Variants in NAPB observed in about 807,000 individuals in gnomAD.
NAPB encodes beta-soluble NSF attachment protein.
NAPB carries 26 observed loss-of-function variants against 44.7 expected under a neutral mutation model. That is an observed-to-expected ratio of 0.58 (90% CI 0.43 to 0.81). The LOEUF (loss-of-function observed/expected upper bound fraction) is 0.81, where lower values mean the gene tolerates loss of function less well. NAPB is among the 30% of genes least tolerant of loss of function. NAPB has a pLI of 0.00. For missense variants in NAPB, 315 were observed against 356.4 expected, an observed-to-expected ratio of 0.88 and a Z score of 0.94; for synonymous variants, 120 against 116.8, an observed-to-expected ratio of 1.03 and a Z score of -0.18.
At chr20:23,415,621 T>C (rs916904204) in intron 1 of NAPB, among the ~76,000 whole-genome samples, 1 of 152,064 alleles carries the variant, frequency 6.6e-6, no homozygotes, top group Non-Finnish European at 1.5e-5. Flanking sequence ...TCTGTACTCC[T>C]TGTACTTTTC....
chr20:23,401,881 GAATA>G (rs201849738), intron 2 of NAPB, among the ~76,000 whole-genome samples: 1 of 152,044 alleles, frequency 6.6e-6, no homozygotes, highest in African/African-American at 2.4e-5. Context: ...ACTCTGTCTC[GAATA>G]AATAAATAAA....
intron 1 of NAPB, among the ~76,000 whole-genome samples, chr20:23,409,459 TA>T (rs1329980916): frequency 7.9e-5 from 12 of 152,212 alleles, no homozygotes; most frequent in African/African-American, 2.9e-4. Context: ...TAGTCATCTT[TA>T]TAGAGAAGAA....
chr20:23,419,320 T>A lies in NAPB; in HGVS notation c.98+1985A>T, dbSNP rs115202224. The stretch of plus-strand genomic sequence containing the variant: ...TGTGAATGGTGAAGATTCGTCTTCT[T>A]ATATGTCCTGTCAATAACATAGGTA... On this transcript the variant is annotated intron_variant, in intron 1 of 10. Coordinates refer to ENST00000377026, the MANE Select transcript of NAPB (RefSeq NM_022080.3). 7.6e-3 allele frequency among the ~76,000 whole-genome samples: 1,154 copies of A among 152,324 alleles called. 20 individuals are homozygous for A. The highest frequency in any genetic ancestry group is 0.026 in the African/African-American group (1,077 of 41,556).
intron 2 of NAPB, among the ~76,000 whole-genome samples, chr20:23,397,506 A>G (rs2123200533): frequency 6.6e-6 from 1 of 152,322 alleles, no homozygotes; most frequent in African/African-American, 2.4e-5. Flanking sequence ...TTCCACTAAC[A>G]TATAATAAAC....
intron 10 of NAPB, among the ~76,000 whole-genome samples, chr20:23,378,033 G>A (rs1982660347): frequency 6.6e-6 from 1 of 152,098 alleles, no homozygotes; most frequent in African/African-American, 2.4e-5. Context: ...GCTTGAGGCT[G>A]GATGTAGTGG....
chr20:23,405,829 T>C (rs1408737271), intron 1 of NAPB, among the ~76,000 whole-genome samples: 1 of 152,200 alleles, frequency 6.6e-6, no homozygotes, highest in East Asian at 1.9e-4. Flanking sequence ...ATGCGCAATA[T>C]GAGCAGTCAC....
At chr20:23,395,214 T>C (rs1190813704) in intron 3 of NAPB, 29 bp from the exon 4 acceptor site, 2 of 1,613,076 alleles carry the variant, frequency 1.2e-6, no homozygotes, top group South Asian at 2.2e-5. Context: ...AGAAAAACAA[T>C]GAAAAATCCA....
At chr20:23,406,022 C>A (rs569146435) in intron 1 of NAPB, among the ~76,000 whole-genome samples, 1 of 152,168 alleles carries the variant, frequency 6.6e-6, no homozygotes, top group South Asian at 2.1e-4. Flanking sequence ...AGGTCATGAG[C>A]CCTCTGCTCT....
Position 23,421,488 on chromosome 20 carries a change from C to G in NAPB, c.-86G>C. 8.4e-7 allele frequency: 1 copy of G among 1,191,038 alleles called. No homozygotes were observed. The highest frequency in any genetic ancestry group is 1.2e-6 in the Non-Finnish European group (1 of 865,570). 73.8% of individuals were successfully genotyped at this position (1,191,038 alleles called of 1,614,324 possible). A position where few individuals can be genotyped will look rare whatever the true frequency, so the allele number is the denominator to read the frequency against. Reference sequence around the variant, plus strand: ...ACCCTCCCTCTGGCGGCCGCAGGGACGCAGGCGCAGGCGCGACGCGCGAGG... The same window carrying G: ...ACCCTCCCTCTGGCGGCCGCAGGGAGGCAGGCGCAGGCGCGACGCGCGAGG... On this transcript the variant is annotated 5_prime_UTR_variant, in exon 1 of 11. Transcript: ENST00000377026.
intron 1 of NAPB, among the ~76,000 whole-genome samples, chr20:23,417,975 T>C (rs1180169061): frequency 6.6e-6 from 1 of 152,184 alleles, no homozygotes; most frequent in East Asian, 1.9e-4. Context: ...AGAATACTAC[T>C]AAGAATACAG....
At chr20:23,404,171 A>C (rs1345960811) in intron 1 of NAPB, among the ~76,000 whole-genome samples, 2 of 152,216 alleles carry the variant, frequency 1.3e-5, no homozygotes, top group Non-Finnish European at 2.9e-5. Context: ...TACTATGCTA[A>C]GGCCCCTCCA....
In NAPB at chr20:23,421,430, C is replaced by G. The variant is rs761109774; in HGVS notation, c.-28G>C. On this transcript the variant is annotated 5_prime_UTR_variant, in exon 1 of 11. Coordinates refer to ENST00000377026, the MANE Select transcript of NAPB (RefSeq NM_022080.3). ...CGCCCGCCGCGGCCGCCACAGCCCC[C>G]TCAGCCGGCTCGCTGTGCGCCCAGG... is the stretch of plus-strand genomic sequence containing the variant. 2.0e-6 allele frequency: 3 copies of G among 1,536,674 alleles called. No individual in the cohort carries two copies. The highest frequency in any genetic ancestry group is 1.2e-5 in the South Asian group (1 of 83,312).
intron 1 of NAPB, among the ~76,000 whole-genome samples, chr20:23,417,295 G>T (rs1986073675): frequency 1.3e-5 from 2 of 152,096 alleles, no homozygotes; most frequent in African/African-American, 4.8e-5. Context: ...TGTTGGCTAG[G>T]CTGGTCTCAA....
At chr20:23,411,219 G>C (rs918692611) in intron 1 of NAPB, among the ~76,000 whole-genome samples, 2 of 152,142 alleles carry the variant, frequency 1.3e-5, no homozygotes, top group African/African-American at 4.8e-5. Flanking sequence ...ACATGTACTT[G>C]GAAAACTGAC....
At chr20:23,412,978 A>C (rs1331515331) in intron 1 of NAPB, among the ~76,000 whole-genome samples, 1 of 152,132 alleles carries the variant, frequency 6.6e-6, no homozygotes, top group Non-Finnish European at 1.5e-5. Context: ...CAACAGCGTG[A>C]GACTCTGTCT....
intron 7 of NAPB, 93 bp from the exon 8 acceptor site, chr20:23,381,410 GTATCT>G: frequency 1.4e-6 from 1 of 723,286 alleles, no homozygotes; most frequent in Non-Finnish European, 2.2e-6. Context: ...AAATAATTAT[GTATCT>G]TATGTTTGTT....
intron 1 of NAPB, among the ~76,000 whole-genome samples, chr20:23,412,045 T>G (rs1303744251): frequency 6.6e-6 from 1 of 152,156 alleles, no homozygotes; most frequent in Non-Finnish European, 1.5e-5. Flanking sequence ...CAAGCAGCTC[T>G]CATTAGAACT....
chr20:23,394,111 TGAA>T (rs1374347037), intron 5 of NAPB, among the ~76,000 whole-genome samples: 2 of 151,990 alleles, frequency 1.3e-5, no homozygotes, highest in African/African-American at 4.8e-5. Flanking sequence ...TTCCTCTTAG[TGAA>T]AGGGGTCTAA....
At chr20:23,391,533 T>A (rs769002179) in intron 5 of NAPB, among the ~76,000 whole-genome samples, 4 of 152,286 alleles carry the variant, frequency 2.6e-5, no homozygotes, top group Admixed American at 1.3e-4. Context: ...TAACAAGAGA[T>A]AAGTATGAGC....
Sources: gnomAD v4.1 joint callset for allele counts (sites outside exome capture counted in the v4.1 genomes callset) on GRCh38, gnomAD v4.1.1 for gene constraint, MANE v1.5 for transcripts, NCBI Gene and HGNC (gene_info 2026-07-23, HGNC 2026-07-21) for gene names.